Variants in KCNIP4 observed in about 807,000 individuals in gnomAD.
The protein encoded by KCNIP4 is Kv channel-interacting protein 4.
In KCNIP4, 12 loss-of-function variants were observed where a neutral mutation model predicts 34.0. The ratio of observed to expected loss-of-function variants is 0.35; its 90% confidence interval spans 0.23 to 0.57. The LOEUF (loss-of-function observed/expected upper bound fraction) is 0.57, where lower values mean the gene tolerates loss of function less well. Among genes scored for constraint, KCNIP4 ranks in the 20% least tolerant of loss-of-function variants. The pLI is 0.83. For missense variants in KCNIP4, 238 were observed against 311.7 expected (o/e 0.76, Z 1.78); for synonymous variants, 124 against 102.2 (o/e 1.21, Z -1.29).
chr4:21,682,566 A>G (rs1324759584), intron 1 of KCNIP4, among the ~76,000 whole-genome samples: 2 of 152,158 alleles, frequency 1.3e-5, no homozygotes, highest in Non-Finnish European at 1.5e-5. Flanking sequence ...TGACAACTTA[A>G]CTAACAGTTT....
intron 1 of KCNIP4, among the ~76,000 whole-genome samples, chr4:21,166,938 CAAAAAAAAAAAAAAAA>C (rs55649635): frequency 1.9e-4 from 7 of 37,544 alleles, no homozygotes; most frequent in Non-Finnish European, 3.1e-4. Flanking sequence ...CACTCCATCT[CAAAAAAAAAAAAAAAA>C]AAAAAAAAAA....
chr4:20,977,645 A>G (rs1294591388), intron 1 of KCNIP4, among the ~76,000 whole-genome samples: 1 of 152,232 alleles, frequency 6.6e-6, no homozygotes, highest in Non-Finnish European at 1.5e-5. Context: ...TGCCAGGTCC[A>G]AGCAGAAACT....
chr4:21,597,708 G>T (rs1395822422), intron 1 of KCNIP4, among the ~76,000 whole-genome samples: 3 of 152,138 alleles, frequency 2.0e-5, no homozygotes, highest in Non-Finnish European at 4.4e-5. Flanking sequence ...GCAGATTGGG[G>T]ATGACCCAAA....
At chr4:21,846,846 C>T (rs945028399) in intron 1 of KCNIP4, 28 of 152,212 alleles carry the variant, frequency 1.8e-4, no homozygotes, top group African/African-American at 6.0e-4. Flanking sequence ...TGAGCAATAC[C>T]TGTTTTTTCC....
chr4:21,159,254 G>A (rs1753396254), intron 1 of KCNIP4, among the ~76,000 whole-genome samples: 1 of 152,144 alleles, frequency 6.6e-6, no homozygotes, highest in Non-Finnish European at 1.5e-5. Context: ...TGTCATTGGT[G>A]TAATAAAAGA....
intron 1 of KCNIP4, among the ~76,000 whole-genome samples, chr4:21,855,968 G>A (rs1030298698): frequency 3.9e-5 from 6 of 152,118 alleles, no homozygotes; most frequent in African/African-American, 7.2e-5. Flanking sequence ...GAATATGTCT[G>A]TTAAAATGAG....
At chr4:20,893,208 G>T (rs747904538) in intron 1 of KCNIP4, among the ~76,000 whole-genome samples, 24 of 152,128 alleles carry the variant, frequency 1.6e-4, no homozygotes, top group Non-Finnish European at 2.9e-4. Context: ...TGTAAATAAT[G>T]CAATTTCATT....
intron 1 of KCNIP4, among the ~76,000 whole-genome samples, chr4:21,168,516 T>C (rs903947129): frequency 3.9e-5 from 6 of 152,170 alleles, no homozygotes; most frequent in African/African-American, 1.4e-4. Flanking sequence ...GAAATGGATA[T>C]GCAAATAAAG....
chr4:21,337,438 G>A (rs1399504493), intron 1 of KCNIP4, among the ~76,000 whole-genome samples: 3 of 152,092 alleles, frequency 2.0e-5, no homozygotes, highest in Non-Finnish European at 4.4e-5. Context: ...ATGGAAAGAA[G>A]CATTGCAGAA....
At chr4:21,093,898 C>T (rs906077993) in intron 1 of KCNIP4, among the ~76,000 whole-genome samples, 1 of 151,986 alleles carries the variant, frequency 6.6e-6, no homozygotes, top group Non-Finnish European at 1.5e-5. Flanking sequence ...CTGACTAACA[C>T]GGTTAAACCC....
chr4:21,427,140 C>T (rs1726002144), intron 1 of KCNIP4, among the ~76,000 whole-genome samples: 1 of 151,818 alleles, frequency 6.6e-6, no homozygotes, highest in African/African-American at 2.4e-5. Context: ...GAAAAGTGGA[C>T]CTCAGTACAG....
intron 1 of KCNIP4, among the ~76,000 whole-genome samples, chr4:21,737,946 T>C (rs1265176735): frequency 6.6e-6 from 1 of 150,828 alleles, no homozygotes; most frequent in African/African-American, 2.4e-5. Context: ...CAAAAAAAAT[T>C]AGTGGGGCAT....
intron 1 of KCNIP4, among the ~76,000 whole-genome samples, chr4:21,341,418 C>A (rs551914524): frequency 6.6e-6 from 1 of 152,132 alleles, no homozygotes; most frequent in Admixed American, 6.5e-5. Flanking sequence ...CCTCCCATAT[C>A]CTTGGCAAGT....
intron 1 of KCNIP4, among the ~76,000 whole-genome samples, chr4:21,836,074 T>C (rs1723301107): frequency 6.6e-6 from 1 of 152,178 alleles, no homozygotes; most frequent in Non-Finnish European, 1.5e-5. Context: ...TTGGGTGGAC[T>C]GGTTGTGAGA....
chr4:21,099,336 G>A (rs1747738250), intron 1 of KCNIP4, among the ~76,000 whole-genome samples: 1 of 152,122 alleles, frequency 6.6e-6, no homozygotes, highest in African/African-American at 2.4e-5. Context: ...GCTGGAAGAT[G>A]TTATCCTCAG....
At chr4:21,021,508 T>A (rs1740030696) in intron 1 of KCNIP4, among the ~76,000 whole-genome samples, 1 of 152,174 alleles carries the variant, frequency 6.6e-6, no homozygotes, top group African/African-American at 2.4e-5. Flanking sequence ...CATTGTATAG[T>A]TGTACAAAAA....
intron 3 of KCNIP4, among the ~76,000 whole-genome samples, chr4:20,829,482 C>T (rs146562929): frequency 1.3e-5 from 2 of 152,158 alleles, no homozygotes; most frequent in South Asian, 2.1e-4. Flanking sequence ...GTTGGGATTA[C>T]AGGCGTGAGC....
At chr4:21,242,860 T>C (rs1320063462) in intron 1 of KCNIP4, among the ~76,000 whole-genome samples, 1 of 149,526 alleles carries the variant, frequency 6.7e-6, no homozygotes, top group Non-Finnish European at 1.5e-5. Context: ...TACATCTCTT[T>C]CTCACACATG....
At chr4:21,014,682 G>C (rs988627342) in intron 1 of KCNIP4, among the ~76,000 whole-genome samples, 3 of 152,196 alleles carry the variant, frequency 2.0e-5, no homozygotes, top group African/African-American at 7.2e-5. Flanking sequence ...GTAAAGTGGT[G>C]CAACTGCTGA....
Sources: allele counts gnomAD v4.1 joint callset (sites outside exome capture counted in the v4.1 genomes callset), GRCh38; gene constraint gnomAD v4.1.1; transcripts MANE v1.5; gene names NCBI Gene and HGNC (gene_info 2026-07-23, HGNC 2026-07-21).